Variants in CABLES2 observed in about 807,000 individuals in gnomAD.
CABLES2 encodes the protein Cdk5 and Abl enzyme substrate 2, also known as CDK5 and ABL1 enzyme substrate 2.
Under a neutral mutation model 44.8 loss-of-function variants are expected in CABLES2, and 35 were observed. The observed-to-expected ratio is 0.78, with a 90% CI of 0.60 to 1.04. The LOEUF is 1.04. Ranked by LOEUF, CABLES2 falls within the 50% of genes least tolerant of loss-of-function variation. The pLI is 0.00. For synonymous variants in CABLES2, 282 were observed against 281.1 expected (o/e 1.00, Z -0.03); for missense variants, 566 against 615.7 (o/e 0.92, Z 0.85).
rs750849965 is a variant in CABLES2 at position 62,393,624 on chromosome 20, C to G, written c.715-19G>C. 2 of 1,553,062 alleles carry G rather than the reference C, an allele frequency of 1.3e-6. No homozygotes were observed. The highest frequency in any genetic ancestry group is 2.3e-5 in the East Asian group (1 of 43,906). ...ACACGACCTGGAAAAGCAAATGCAT[C>G]TGGCCTCAGCTCTGCCTCCCGGGAC... is the stretch of plus-strand genomic sequence containing the variant. On this transcript the variant is annotated intron_variant, in intron 5 of 9. Transcript: ENST00000279101.
chr20:62,391,306 C>G lies in CABLES2; in HGVS notation c.1239G>C (p.Leu413=). The change falls in exon 9 of 10, where the codon CTG becomes CTC. Residue 413 remains leucine (L), a synonymous_variant. Coordinates refer to ENST00000279101, the MANE Select transcript of CABLES2 (RefSeq NM_031215.3). The surrounding 1 kb of genome is among the most constrained non-coding windows in gnomAD (Gnocchi z 5.7). ...NRKLCAGACV[L]LAAKISSDLR... ...GGTCACTGCTGATCTTGGCAGCCAGCAGCACGCAGGCGCCAGCGCACAGCT... is the reference window on the plus strand; with the variant it reads ...GGTCACTGCTGATCTTGGCAGCCAGGAGCACGCAGGCGCCAGCGCACAGCT... The G allele has an allele frequency of 6.2e-7, 1 of 1,613,088 alleles. No homozygotes were observed. Among genetic ancestry groups the G allele is most frequent in the Middle Eastern group, 1.7e-4 (1 of 6,054 alleles).
At chr20:62,392,077 G>A (rs1243245108) in intron 8 of CABLES2, among the ~76,000 whole-genome samples, 1 of 152,070 alleles carries the variant, frequency 6.6e-6, no homozygotes, top group Non-Finnish European at 1.5e-5. Context: ...AGCACACACT[G>A]GGAGGGGCCG....
At position 62,396,911 on chromosome 20, in the gene CABLES2, C is replaced by G. The variant is rs112450894; in HGVS notation, c.363-319G>C. Among the ~76,000 whole-genome samples the G allele has an allele frequency of 6.6e-6, 1 of 152,170 alleles. No homozygotes were observed. The highest frequency in any genetic ancestry group is 6.5e-5 in the Admixed American group (1 of 15,286). On this transcript the variant is annotated intron_variant, in intron 1 of 9. Coordinates refer to ENST00000279101, the MANE Select transcript of CABLES2 (RefSeq NM_031215.3). The surrounding 1 kb of genome is among the most constrained non-coding windows in gnomAD (Gnocchi z 5.7). The stretch of plus-strand genomic sequence containing the variant: ...CCCTGCCCACCGAGGGTCGCTCGGC[C>G]CCAAGCAACACCCTGCTGGGGGCAC...
chr20:62,401,707 T>C (rs1424368764), intron 1 of CABLES2, among the ~76,000 whole-genome samples: 2 of 152,152 alleles, frequency 1.3e-5, no homozygotes, highest in African/African-American at 4.8e-5. Flanking sequence ...GTTGAGAGGC[T>C]CGTCATGTGG....
Position 62,391,967 on chromosome 20 carries a change from G to A in CABLES2, c.1091+422C>T, listed in dbSNP as rs1016854964. Among the ~76,000 whole-genome samples the A allele has an allele frequency of 6.6e-6, 1 of 152,074 alleles. No homozygotes were observed. The highest frequency in any genetic ancestry group is 1.5e-5 in the Non-Finnish European group (1 of 67,996). Reference sequence around the variant, plus strand: ...GGGTCATCAGCGTGGCACAATGTGAGAGCAGAGGCACACCTGGACGGCCTT... The same window carrying A: ...GGGTCATCAGCGTGGCACAATGTGAAAGCAGAGGCACACCTGGACGGCCTT... On this transcript the variant is annotated intron_variant, in intron 8 of 9. Transcript: ENST00000279101. The surrounding 1 kb of genome is among the most constrained non-coding windows in gnomAD (Gnocchi z 5.7).
At chr20:62,394,133 G>A in intron 5 of CABLES2, 24 bp downstream of exon 5, 4 of 1,591,066 alleles carry the variant, frequency 2.5e-6, no homozygotes, top group Non-Finnish European at 3.4e-6. Context: ...GGCGCTGGGT[G>A]TCCACCAGCG....
intron 1 of CABLES2, among the ~76,000 whole-genome samples, chr20:62,398,261 ATGGTGATGG>A (rs1988116621): frequency 1.6e-5 from 1 of 63,188 alleles, no homozygotes; most frequent in Non-Finnish European, 3.1e-5. Flanking sequence ...GGTGGTGGTG[ATGGTGATGG>A]CGGTGGTGGT....
chr20:62,393,016 G>A lies in CABLES2; in HGVS notation c.888C>T (p.Asp296=), dbSNP rs374337520. The A allele has an allele frequency of 2.9e-5, 46 of 1,613,504 alleles. No homozygotes were observed. The highest frequency in any genetic ancestry group is 1.9e-4 in the African/African-American group (14 of 75,060). ...SAPASTELGS[D]VGDTLEYNPN... Reference sequence around the variant, plus strand: ...GGTTGTACTCCAGGGTGTCCCCCACGTCACTCCCTGTAAGAGAGGCAACCC... The same window carrying A: ...GGTTGTACTCCAGGGTGTCCCCCACATCACTCCCTGTAAGAGAGGCAACCC... The change falls in exon 7 of 10, where the codon GAC becomes GAT. Residue 296 remains aspartate (D), a synonymous_variant. Coordinates refer to ENST00000279101, the MANE Select transcript of CABLES2 (RefSeq NM_031215.3).
intron 1 of CABLES2, 47 bp downstream of exon 1, chr20:62,406,868 T>C: frequency 9.3e-7 from 1 of 1,076,154 alleles, no homozygotes; most frequent in Non-Finnish European, 1.2e-6. Context: ...CCCGTCCCCG[T>C]CCCTGTACCC....
chr20:62,406,374 G>T (rs1988284585), intron 1 of CABLES2, among the ~76,000 whole-genome samples: 1 of 152,056 alleles, frequency 6.6e-6, no homozygotes, highest in Non-Finnish European at 1.5e-5. Context: ...ACTGGTACCA[G>T]TGGATGGGGG....
chr20:62,394,182 CCTT>C lies in CABLES2; in HGVS notation c.686_688del (p.Glu229del), dbSNP rs1307858944. ...CTTCCCGTCTGCTCCTAGCTCCACACCTTCTAGCTCAAAGACCATCTCGGAAGA... is the reference window on the plus strand; with the variant it reads ...CTTCCCGTCTGCTCCTAGCTCCACACCTAGCTCAAAGACCATCTCGGAAGA... On this transcript the variant is annotated inframe_deletion, in exon 5 of 10. Coordinates refer to ENST00000279101, the MANE Select transcript of CABLES2 (RefSeq NM_031215.3). 1.2e-6 allele frequency: 2 copies of C among 1,613,552 alleles called. No individual in the cohort carries two copies. The highest frequency in any genetic ancestry group is 2.2e-5 in the East Asian group (1 of 44,888).
intron 1 of CABLES2, among the ~76,000 whole-genome samples, chr20:62,399,232 G>T (rs1275775346): frequency 1.0e-5 from 1 of 100,170 alleles, no homozygotes; most frequent in Non-Finnish European, 2.0e-5. Context: ...TTACAGGCGT[G>T]AGCCACCATA....
chr20:62,393,314 C>A, intron 6 of CABLES2, 126 bp downstream of exon 6: 1 of 1,091,880 alleles, frequency 9.2e-7, no homozygotes, highest in African/African-American at 1.6e-5. Context: ...ACCCTGTTCC[C>A]CAGGCTCCAT....
chr20:62,401,113 C>T (rs779033440), intron 1 of CABLES2, among the ~76,000 whole-genome samples: 1 of 152,212 alleles, frequency 6.6e-6, no homozygotes, highest in Non-Finnish European at 1.5e-5. Flanking sequence ...GCGCCGCTCC[C>T]ACTGTGTCAG....
intron 5 of CABLES2, 44 bp from the exon 6 acceptor site, chr20:62,393,649 C>A: frequency 6.6e-7 from 1 of 1,522,262 alleles, no homozygotes; most frequent in Non-Finnish European, 8.8e-7. Context: ...CCTCCCGGGA[C>A]CAGAGGGCAA....
Position 62,407,103 on chromosome 20 carries a change from G to T in CABLES2, c.174C>A (p.Asp58Glu). The change falls in exon 1 of 10, where the codon GAC (aspartate) becomes GAA (glutamate). Residue 58 changes from aspartate to glutamate, a missense_variant. Around this residue, in one of 2 missense-constraint regions of CABLES2, gnomAD observed 130 missense variants for 79.4 expected, o/e 1.64. Coordinates refer to ENST00000279101, the MANE Select transcript of CABLES2 (RefSeq NM_031215.3). ...CCGGGCCCAGGCTCGGGGGCCGCCC[G>T]TCCAGGGAGATGTTGTTGAGGAAGA... Reference protein sequence around the residue: ...ALFFLNNISLDGRPPSLGPGG... With the variant: ...ALFFLNNISLEGRPPSLGPGG... 9.6e-7 allele frequency: 1 copy of T among 1,043,990 alleles called. No individual in the cohort carries two copies. 64.7% of individuals were successfully genotyped at this position (1,043,990 alleles called of 1,614,324 possible). A position where few individuals can be genotyped will look rare whatever the true frequency, so the allele number is the denominator to read the frequency against.
intron 4 of CABLES2, 86 bp downstream of exon 4, chr20:62,394,851 G>T (rs1987987381): frequency 7.9e-7 from 1 of 1,267,880 alleles, no homozygotes; most frequent in Non-Finnish European, 1.1e-6. Flanking sequence ...CGCAGTGCCC[G>T]CTGATGCCTC....
intron 1 of CABLES2, among the ~76,000 whole-genome samples, chr20:62,399,419 T>G (rs1006018561): frequency 2.0e-5 from 3 of 150,514 alleles, no homozygotes; most frequent in Non-Finnish European, 4.4e-5. Context: ...GCTAATTTTT[T>G]TGTATTTTTA....
chr20:62,397,927 T>TGATGGTGGTGATGGC (rs1555890654), intron 1 of CABLES2, among the ~76,000 whole-genome samples: 2 of 100,178 alleles, frequency 2.0e-5, no homozygotes, highest in South Asian at 4.0e-4. Flanking sequence ...GTGGTGATGG[T>TGATGGTGGTGATGGC]GGTGGTGGTG....
Sources: gnomAD v4.1 joint callset for allele counts (sites outside exome capture counted in the v4.1 genomes callset) on GRCh38, gnomAD v4.1.1 for gene constraint, gnomAD v4.1.1 regional missense constraint, Gnocchi (gnomAD v3.1) non-coding constraint, MANE v1.5 for transcripts, NCBI Gene and HGNC (gene_info 2026-07-23, HGNC 2026-07-21) for gene names.